RASEF: variants seen among roughly 807,000 people sequenced by gnomAD.
The protein encoded by RASEF is ras and EF-hand domain-containing protein.
Under a neutral mutation model 90.1 loss-of-function variants are expected in RASEF, and 68 were observed. The observed-to-expected ratio is 0.75, with a 90% CI of 0.62 to 0.92. The LOEUF (loss-of-function observed/expected upper bound fraction) is 0.92. Among genes scored for constraint, RASEF ranks in the 40% least tolerant of loss-of-function variants. The pLI is 0.00. For synonymous variants in RASEF, 331 were observed against 345.2 expected, an observed-to-expected ratio of 0.96 and a Z score of 0.46; for missense variants, 949 against 937.2, an observed-to-expected ratio of 1.01 and a Z score of -0.16.
chr9:83,062,775 C>A lies in RASEF; in HGVS notation c.93G>T (p.Glu31Asp), dbSNP rs1195685841. 1 of 1,559,370 alleles carries A rather than the reference C, an allele frequency of 6.4e-7. No individual in the cohort carries two copies. The highest frequency in any genetic ancestry group is 2.4e-5 in the East Asian group (1 of 42,122). ...DANRSGRLER[E>D]EFRALCTELR... ...GCTCCGTGCACAGTGCCCGGAACTC[C>A]TCGCGCTCCAGGCGCCCCGAGCGGT... Residue 31 changes from glutamate to aspartate, a missense_variant, in exon 1 of 17, where the codon GAG (glutamate) becomes GAT (aspartate). Physicochemically the swap from Glu to Asp is conservative, Grantham distance 45. Around this residue, in one of 3 missense-constraint regions of RASEF, gnomAD observed 656 missense variants for 592.2 expected, o/e 1.11. Coordinates refer to ENST00000376447, the MANE Select transcript of RASEF (RefSeq NM_152573.4).
At chr9:83,098,139 T>C in the RASEF span, among the ~76,000 whole-genome samples, 1 of 152,214 alleles carries the variant, frequency 6.6e-6, no homozygotes, top group African/African-American at 2.4e-5. Context: ...AGTCATCTTA[T>C]GCAAGCAACC....
At chr9:83,141,142 T>G in the RASEF span, among the ~76,000 whole-genome samples, 1 of 53,240 alleles carries the variant, frequency 1.9e-5, no homozygotes, top group Non-Finnish European at 3.8e-5. Context: ...AAATTCCATC[T>G]CAAAAAAAAA....
chr9:83,002,372 T>C (rs1829056626), intron 9 of RASEF, among the ~76,000 whole-genome samples: 1 of 152,144 alleles, frequency 6.6e-6, no homozygotes, highest in African/African-American at 2.4e-5. Flanking sequence ...TACTGCTCAA[T>C]TACAAAGTCT....
Position 83,062,593 on chromosome 9 carries a change from A to G in RASEF, c.275T>C (p.Val92Ala). The G allele has an allele frequency of 6.3e-7, 1 of 1,576,972 alleles. No individual in the cohort carries two copies. Among genetic ancestry groups the G allele is most frequent in the Non-Finnish European group, 8.6e-7 (1 of 1,164,282 alleles). The change falls in exon 1 of 17, where the codon GTG becomes GCG. Residue 92 changes from valine (V) to alanine (A), a missense_variant. Coordinates refer to ENST00000376447, the MANE Select transcript of RASEF (RefSeq NM_152573.4). Reference sequence around the variant, plus strand: ...GTGTGTCTCCGGCCCCGCCTCAGACACGGCGGGCGCGGGATCCAGAGGACC... The same window carrying G: ...GTGTGTCTCCGGCCCCGCCTCAGACGCGGCGGGCGCGGGATCCAGAGGACC... ...DWGPLDPAPA[V>A]SEAGPETHDS...
upstream of RASEF, among the ~76,000 whole-genome samples, chr9:83,065,938 C>T (rs988196209): frequency 6.6e-5 from 10 of 152,114 alleles, no homozygotes; most frequent in Non-Finnish European, 1.2e-4. Context: ...GCCAGAGCCT[C>T]CCCTCCTTCC....
chr9:83,010,329 A>C (rs1829217336), intron 5 of RASEF, among the ~76,000 whole-genome samples: 1 of 152,232 alleles, frequency 6.6e-6, no homozygotes, highest in Non-Finnish European at 1.5e-5. Flanking sequence ...AACCTCACTA[A>C]AATGAAATGC....
the RASEF span, among the ~76,000 whole-genome samples, chr9:83,080,925 T>C: frequency 1.3e-5 from 2 of 152,194 alleles, no homozygotes; most frequent in Admixed American, 1.3e-4. Context: ...CACCTTTTCT[T>C]AAGTTAGCAA....
At chr9:83,174,807 TTCTGGTTGTAACAG>T in the RASEF span, among the ~76,000 whole-genome samples, 3 of 152,188 alleles carry the variant, frequency 2.0e-5, no homozygotes, top group Admixed American at 6.5e-5. Context: ...CAGCAATGTT[TTCTGGTTGTAACAG>T]TCTACTTTGC....
intron 1 of RASEF, among the ~76,000 whole-genome samples, chr9:83,057,143 CG>C (rs1830116375): frequency 6.6e-6 from 1 of 152,152 alleles, no homozygotes; most frequent in South Asian, 2.1e-4. Context: ...CAAGGATGCC[CG>C]CTCTCACCAC....
intron 1 of RASEF, among the ~76,000 whole-genome samples, chr9:83,038,197 G>T (rs1207701309): frequency 6.6e-6 from 1 of 152,180 alleles, no homozygotes; most frequent in Non-Finnish European, 1.5e-5. Flanking sequence ...ATTTGTTAAA[G>T]AAAGTATTTT....
rs1828583721 is a variant in RASEF, at chr9:82,980,797, T to C, written c.*1880A>G. On this transcript the variant is annotated 3_prime_UTR_variant, in exon 17 of 17. Transcript: ENST00000376447. ...CCCTTATTTTGAAAAATTTCCCATA[T>C]GCAAGACATTCTTTATGATCAGAAA... is the stretch of plus-strand genomic sequence containing the variant. 6.6e-6 allele frequency: 1 copy of C among 152,218 alleles called. No individual in the cohort carries two copies. 9.4% of individuals were successfully genotyped at this position (152,218 alleles called of 1,614,324 possible). A position where few individuals can be genotyped will look rare whatever the true frequency, so the allele number is the denominator to read the frequency against.
At chr9:83,139,204 G>A in the RASEF span, among the ~76,000 whole-genome samples, 2 of 152,130 alleles carry the variant, frequency 1.3e-5, no homozygotes, top group African/African-American at 4.8e-5. Flanking sequence ...GGATGCATGT[G>A]CACATTCATG....
intron 4 of RASEF, among the ~76,000 whole-genome samples, chr9:83,014,414 C>A (rs553803934): frequency 6.6e-6 from 1 of 152,076 alleles, no homozygotes; most frequent in Non-Finnish European, 1.5e-5. Context: ...GATCCTTCCA[C>A]CCCAGCCTCC....
chr9:83,096,828 T>C, the RASEF span, among the ~76,000 whole-genome samples: 1 of 146,968 alleles, frequency 6.8e-6, no homozygotes, highest in Non-Finnish European at 1.5e-5. Context: ...TCCCCCTTCC[T>C]GTGTCCATGT....
chr9:83,154,272 T>C, the RASEF span, among the ~76,000 whole-genome samples: 1 of 152,202 alleles, frequency 6.6e-6, no homozygotes, highest in Non-Finnish European at 1.5e-5. Context: ...TGGAAAGCCC[T>C]GTGAACTACA....
At chr9:83,141,602 C>T in the RASEF span, among the ~76,000 whole-genome samples, 10 of 152,262 alleles carry the variant, frequency 6.6e-5, no homozygotes, top group East Asian at 9.7e-4. Context: ...CGTTCTTGTC[C>T]GGGGCTGCTC....
chr9:82,995,072 A>G (rs2118411297), intron 14 of RASEF, among the ~76,000 whole-genome samples: 1 of 152,348 alleles, frequency 6.6e-6, no homozygotes, highest in South Asian at 2.1e-4. Context: ...TTTCATCCAT[A>G]ACAAACTTAA....
chr9:83,124,359 T>C, the RASEF span, among the ~76,000 whole-genome samples: 1 of 152,248 alleles, frequency 6.6e-6, no homozygotes, highest in Non-Finnish European at 1.5e-5. Context: ...TTAAATTTTT[T>C]AGGAGAATTC....
intron 1 of RASEF, among the ~76,000 whole-genome samples, chr9:83,044,840 T>A (rs1031965496): frequency 3.9e-5 from 6 of 152,196 alleles, no homozygotes; most frequent in Non-Finnish European, 5.9e-5. Context: ...CTTAAATCAG[T>A]AGACTTCGAG....
Sources: gnomAD v4.1 joint callset for allele counts (sites outside exome capture counted in the v4.1 genomes callset) on GRCh38, gnomAD v4.1.1 for gene constraint, gnomAD v4.1.1 regional missense constraint, MANE v1.5 for transcripts, NCBI Gene and HGNC (gene_info 2026-07-23, HGNC 2026-07-21) for gene names.